The following PHACTR4 variants were observed in gnomAD, a reference collection of about 807,000 sequenced individuals.
PHACTR4 encodes the protein phosphatase and actin regulator 4.
Under a neutral mutation model 72.7 loss-of-function variants are expected in PHACTR4, and 51 were observed. That is an observed-to-expected ratio of 0.70 (90% CI 0.56 to 0.89). The LOEUF is 0.89. Ranked by LOEUF, PHACTR4 falls within the 40% of genes least tolerant of loss-of-function variation. The pLI, the probability that PHACTR4 is intolerant of heterozygous loss-of-function variation, is 0.00. For missense variants in PHACTR4, 731 were observed against 861.8 expected (o/e 0.85, Z 1.90); for synonymous variants, 255 against 302.5 (o/e 0.84, Z 1.63).
At chr1:28,489,796 T>C (rs762277745) in intron 10 of PHACTR4, 2 of 518,910 alleles carry the variant, frequency 3.9e-6, no homozygotes, top group Non-Finnish European at 7.7e-6. Context: ...AATTTGGCCT[T>C]AAAAGTCTCC....
intron 2 of PHACTR4, among the ~76,000 whole-genome samples, chr1:28,431,586 A>G (rs974103864): frequency 6.6e-6 from 1 of 152,074 alleles, no homozygotes; most frequent in African/African-American, 2.4e-5. Flanking sequence ...GCTTACCGTG[A>G]TCTCAGTCTG....
chr1:28,475,756 C>T (rs1659879651), intron 7 of PHACTR4, among the ~76,000 whole-genome samples: 1 of 126,256 alleles, frequency 7.9e-6, no homozygotes, highest in Admixed American at 7.4e-5. Context: ...GATAGAATCT[C>T]ACTCTTGTCA....
chr1:28,381,428 A>G (rs1652161349), intron 1 of PHACTR4, among the ~76,000 whole-genome samples: 1 of 150,980 alleles, frequency 6.6e-6, no homozygotes, highest in East Asian at 2.0e-4. Context: ...CCTCCCGAGT[A>G]GCTGGGACTA....
intron 9 of PHACTR4, among the ~76,000 whole-genome samples, chr1:28,486,041 A>T (rs1000461944): frequency 1.3e-5 from 2 of 151,556 alleles, no homozygotes; most frequent in Non-Finnish European, 1.5e-5. Flanking sequence ...GTACACTAGG[A>T]TGGCTAAAGT....
chr1:28,491,826 C>G, intron 12 of PHACTR4, 39 bp downstream of exon 12: 1 of 1,592,512 alleles, frequency 6.3e-7, no homozygotes, highest in Non-Finnish European at 8.5e-7. Context: ...TTCTCTTTCT[C>G]TTTTTCTCTT....
At chr1:28,479,149 G>C (rs547726557) in intron 8 of PHACTR4, among the ~76,000 whole-genome samples, 1 of 151,558 alleles carries the variant, frequency 6.6e-6, no homozygotes, top group Non-Finnish European at 1.5e-5. Context: ...GGCTGGCCAC[G>C]GTGGCTCACA....
intron 2 of PHACTR4, among the ~76,000 whole-genome samples, chr1:28,456,150 G>T (rs1277284463): frequency 6.6e-6 from 1 of 152,114 alleles, no homozygotes; most frequent in East Asian, 1.9e-4. Flanking sequence ...GGTTCTGTAG[G>T]CTGTACAGGA....
Position 28,408,777 on chromosome 1 carries a change from G to A in PHACTR4, c.16+1314G>A, listed in dbSNP as rs1654556368. On this transcript the variant is annotated intron_variant, in intron 2 of 13. Coordinates refer to ENST00000373839, the MANE Select transcript of PHACTR4 (RefSeq NM_001048183.3). Reference sequence around the variant, plus strand: ...TGCAGCCTTGACCTCCCGGGCTCAGGCAATCCTTTCAACTCAGCCTCCTGA... The same window carrying A: ...TGCAGCCTTGACCTCCCGGGCTCAGACAATCCTTTCAACTCAGCCTCCTGA... Among the ~76,000 whole-genome samples the A allele has an allele frequency of 2.6e-5, 4 of 151,364 alleles. No homozygotes were observed. In the South Asian group the frequency reaches 6.3e-4, roughly 24 times the overall value.
chr1:28,395,222 T>C (rs997935312), intron 1 of PHACTR4, among the ~76,000 whole-genome samples: 27 of 151,060 alleles, frequency 1.8e-4, no homozygotes, highest in African/African-American at 6.6e-4. Flanking sequence ...GGCCATCTTT[T>C]AAAAGTATGT....
In PHACTR4 at chr1:28,473,907, G is replaced by T. The variant is rs753398686; in HGVS notation, c.1177G>T (p.Glu393Ter). Reference sequence around the variant, plus strand: ...TCCCCAGCAGGAAGATCAGAAAAAGGAAGTCCCCAAGAGGATACTGGACCA... The same window carrying T: ...TCCCCAGCAGGAAGATCAGAAAAAGTAAGTCCCCAAGAGGATACTGGACCA... Reference protein sequence around the residue: ...EIPQQEDQKKEVPKRILDQNF... With the variant: ...EIPQQEDQKK Residue 393 changes from glutamate to a stop codon, truncating the protein, a stop_gained, in exon 7 of 14, where the codon GAA (glutamate) becomes TAA (stop). Coordinates refer to ENST00000373839, the MANE Select transcript of PHACTR4 (RefSeq NM_001048183.3). LOFTEE classifies it high-confidence loss of function. 1.9e-6 allele frequency: 3 copies of T among 1,614,088 alleles called. 1 individual carries two copies. The South Asian group carries it at 3.3e-5, about 18-fold the overall frequency.
intron 2 of PHACTR4, chr1:28,457,716 A>G (rs989923438): frequency 5.9e-6 from 3 of 508,864 alleles, no homozygotes; most frequent in Non-Finnish European, 2.5e-6. Context: ...GAAATTGTTT[A>G]CAGTCAACAT....
At chr1:28,403,900 A>G (rs1654119700) in intron 1 of PHACTR4, among the ~76,000 whole-genome samples, 1 of 152,224 alleles carries the variant, frequency 6.6e-6, no homozygotes. Flanking sequence ...TACAACACGT[A>G]TCAATACTTA....
intron 2 of PHACTR4, among the ~76,000 whole-genome samples, chr1:28,456,561 T>C (rs1358154696): frequency 6.6e-6 from 1 of 151,886 alleles, no homozygotes; most frequent in East Asian, 1.9e-4. Flanking sequence ...CCTGCTGAGC[T>C]CAAGCGATCT....
At chr1:28,487,724 GTTGTT>G (rs1660773083) in intron 9 of PHACTR4, among the ~76,000 whole-genome samples, 1 of 71,468 alleles carries the variant, frequency 1.4e-5, no homozygotes, top group African/African-American at 5.7e-5. Flanking sequence ...GTAGTTTTTT[GTTGTT>G]TTTTTTTTTT....
At chr1:28,370,439 C>G (rs528445451) in intron 1 of PHACTR4, among the ~76,000 whole-genome samples, 42 of 152,206 alleles carry the variant, frequency 2.8e-4, no homozygotes, top group African/African-American at 8.9e-4. Context: ...CTCTCCCACC[C>G]TCTACACCCC....
At chr1:28,445,110 A>G (rs1198234584) in intron 2 of PHACTR4, among the ~76,000 whole-genome samples, 1 of 150,898 alleles carries the variant, frequency 6.6e-6, no homozygotes, top group Non-Finnish European at 1.5e-5. Context: ...GCCTGCCAGC[A>G]TGCCCGACTA....
intron 9 of PHACTR4, chr1:28,481,382 A>G (rs574380993): frequency 2.0e-5 from 3 of 152,250 alleles, no homozygotes; most frequent in Non-Finnish European, 4.4e-5. Flanking sequence ...AAAGGAGAGA[A>G]GGTTAGCACT....
intron 1 of PHACTR4, among the ~76,000 whole-genome samples, chr1:28,399,377 G>C (rs1166074260): frequency 6.6e-6 from 1 of 152,108 alleles, no homozygotes; most frequent in Non-Finnish European, 1.5e-5. Context: ...AATATTTTTT[G>C]AGTTTAGTAT....
chr1:28,442,363 C>G (rs1297641118), intron 2 of PHACTR4, among the ~76,000 whole-genome samples: 1 of 150,942 alleles, frequency 6.6e-6, no homozygotes, highest in African/African-American at 2.4e-5. Flanking sequence ...ACTCAGGAGG[C>G]TGAGACAGGA....
Sources: allele counts gnomAD v4.1 joint callset (sites outside exome capture counted in the v4.1 genomes callset), GRCh38; gene constraint gnomAD v4.1.1; transcripts MANE v1.5; gene names NCBI Gene and HGNC (gene_info 2026-07-23, HGNC 2026-07-21).